SMG8: variants seen among roughly 807,000 people sequenced by gnomAD.
SMG8 encodes SMG8 nonsense mediated mRNA decay factor.
A neutral mutation model predicts 82.1 loss-of-function variants in SMG8; 49 were observed. The ratio of observed to expected loss-of-function variants is 0.60; its 90% CI spans 0.47 to 0.76. SMG8 has a LOEUF of 0.76. Among genes scored for constraint, SMG8 ranks in the 30% least tolerant of loss-of-function variants. The pLI is 0.00. For missense variants in SMG8, 969 were observed against 1,166.4 expected (o/e 0.83, Z 2.46); for synonymous variants, 404 against 430.0 (o/e 0.94, Z 0.75).
Position 59,213,031 on chromosome 17 carries a change from C to T in SMG8, c.2208C>T (p.Phe736=), listed in dbSNP as rs766117407. The part of the protein sequence containing the change: ...VEVKTEKRPN[F]VDRQASTVEY... ...TGAAAACTGAGAAGAGGCCAAACTT[C>T]GTTGATCGACAGGCATCCACAGTTG... The change falls in exon 3 of 4, where the codon TTC becomes TTT. Residue 736 remains phenylalanine (F), a synonymous_variant. Coordinates refer to ENST00000300917, the MANE Select transcript of SMG8 (RefSeq NM_018149.7). 1.2e-6 allele frequency: 2 copies of T among 1,614,152 alleles called. No homozygotes were observed. Among genetic ancestry groups the T allele is most frequent in the Non-Finnish European group, 1.7e-6 (2 of 1,180,036 alleles).
Position 59,215,039 on chromosome 17 carries a change from G to C in SMG8, c.*37G>C, listed in dbSNP as rs1752074825. The C allele has an allele frequency of 1.2e-6, 1 of 856,440 alleles. No homozygotes were observed. Among genetic ancestry groups the C allele is most frequent in the Admixed American group, 1.7e-5 (1 of 57,742 alleles). 53.1% of individuals were successfully genotyped at this position (856,440 alleles called of 1,614,324 possible). A position where few individuals can be genotyped will look rare whatever the true frequency, so the allele number is the denominator to read the frequency against. ...CCAGTTCAATCCTATACTTGAGCTGGTTTTTGTTTTTGGTATTTGTGGCTG... is the reference window on the plus strand; with the variant it reads ...CCAGTTCAATCCTATACTTGAGCTGCTTTTTGTTTTTGGTATTTGTGGCTG... On this transcript the variant is annotated 3_prime_UTR_variant, in exon 4 of 4. Coordinates refer to ENST00000300917, the MANE Select transcript of SMG8 (RefSeq NM_018149.7).
Position 59,211,427 on chromosome 17 carries a change from C to A in SMG8, c.1376C>A (p.Ala459Asp). ...GCAGCTTCAAAACTGTATGAGGTGG[C>A]TATTGATGGGAAAGAAGAGGACTTG... ...ISAASKLYEV[A>D]IDGKEEDLGS... The change falls in exon 1 of 4, where the codon GCT (alanine) becomes GAT (aspartate). Residue 459 changes from alanine to aspartate, a missense_variant. This residue lies in a region of SMG8 where 662 missense variants were observed against 884.8 expected (regional missense o/e 0.75). Coordinates refer to ENST00000300917, the MANE Select transcript of SMG8 (RefSeq NM_018149.7). 6.2e-7 allele frequency: 1 copy of A among 1,614,146 alleles called. No individual in the cohort carries two copies. The highest frequency in any genetic ancestry group is 8.5e-7 in the Non-Finnish European group (1 of 1,180,026).
At position 59,210,577 on chromosome 17, in the gene SMG8, G is replaced by T; in HGVS notation, c.526G>T (p.Gly176Cys). The change falls in exon 1 of 4, where the codon GGT becomes TGT. Residue 176 changes from glycine to cysteine, a missense_variant. Gly to Cys is a radical substitution (Grantham distance 159). This residue lies in a region of SMG8 where 662 missense variants were observed against 884.8 expected (regional missense o/e 0.75). Transcript: ENST00000300917. ...CRALQSGEAG[G>C]GLSLPHAEAH... is the part of the protein sequence containing the mutation. ...GGCTCTTCAGAGCGGGGAAGCTGGA[G>T]GTGGACTCTCTTTACCTCATGCAGA... 1 of 1,581,764 alleles carries T rather than the reference G, an allele frequency of 6.3e-7. No homozygotes were observed. The highest frequency in any genetic ancestry group is 8.6e-7 in the Non-Finnish European group (1 of 1,166,112).
chr17:59,212,081 A>G (rs1200760217), intron 1 of SMG8: 1 of 427,042 alleles, frequency 2.3e-6, no homozygotes, highest in African/African-American at 2.0e-5. Context: ...TCATATTAAC[A>G]CTTTGCCTTG....
chr17:59,214,125 A>T (rs2046956997), intron 3 of SMG8, among the ~76,000 whole-genome samples: 1 of 152,108 alleles, frequency 6.6e-6, no homozygotes, highest in African/African-American at 2.4e-5. Flanking sequence ...TCTACTAAAA[A>T]TACAAAAAAT....
chr17:59,214,556 C>T (rs1267381607), intron 3 of SMG8, among the ~76,000 whole-genome samples: 3 of 151,988 alleles, frequency 2.0e-5, no homozygotes, highest in African/African-American at 2.4e-5. Flanking sequence ...TACAGGCACA[C>T]GCCACCACAC....
In SMG8 at chr17:59,211,119, G is replaced by GAGTC; in HGVS notation, c.1070_1073dup (p.His358GlnfsTer21). On this transcript the variant is annotated frameshift_variant, in exon 1 of 4. Coordinates refer to ENST00000300917, the MANE Select transcript of SMG8 (RefSeq NM_018149.7). LOFTEE classifies it high-confidence loss of function. ...TAGGTATGTTGCTGGACCAACTTAG[G>GAGTC]AGTCATTGTACTGTGAAGGACCCGG... 1 of 1,614,192 alleles carries GAGTC rather than the reference G, an allele frequency of 6.2e-7. No homozygotes were observed. Among genetic ancestry groups the GAGTC allele is most frequent in the Non-Finnish European group, 8.5e-7 (1 of 1,180,034 alleles).
rs148219258 is a variant in SMG8 at position 59,210,462 on chromosome 17, T to A, written c.411T>A (p.Leu137=). Reference sequence around the variant, plus strand: ...AGGCAGGCTCCCAGGACTACAGCCTTCTGCAGGCCTACTACAGTCAGGAAA... The same window carrying A: ...AGGCAGGCTCCCAGGACTACAGCCTACTGCAGGCCTACTACAGTCAGGAAA... The part of the protein sequence containing the change: ...RTEAGSQDYS[L]LQAYYSQESK... Residue 137 remains leucine (L), a synonymous_variant, in exon 1 of 4, where the codon CTT becomes CTA. Transcript: ENST00000300917. 1.9e-6 allele frequency: 3 copies of A among 1,601,186 alleles called. No individual in the cohort carries two copies. The African/African-American group carries it at 4.0e-5, about 22-fold the overall frequency.
chr17:59,213,169 T>G lies in SMG8; in HGVS notation c.2346T>G (p.Gly782=). The G allele has an allele frequency of 6.2e-7, 1 of 1,614,146 alleles. No individual in the cohort carries two copies. Among genetic ancestry groups the G allele is most frequent in the Non-Finnish European group, 8.5e-7 (1 of 1,180,042 alleles). The part of the protein sequence containing the change: ...GPAKSYNFHT[G]LDQQGFIPGT... ...CTAAGTCTTATAACTTTCATACAGG[T>G]TTGGACCAACAGGGCTTTATTCCAG... The change falls in exon 3 of 4, where the codon GGT becomes GGG. Residue 782 remains glycine, a synonymous_variant. Transcript: ENST00000300917.
At position 59,211,734 on chromosome 17, in the gene SMG8, T is replaced by C. The variant is rs761399354; in HGVS notation, c.1683T>C (p.Asn561=). 4.3e-6 allele frequency: 7 copies of C among 1,613,258 alleles called. No homozygotes were observed. Among genetic ancestry groups the C allele is most frequent in the East Asian group, 2.2e-5 (1 of 44,880 alleles). The change falls in exon 1 of 4, where the codon AAT becomes AAC. Residue 561 remains asparagine (N), a synonymous_variant. Transcript: ENST00000300917. ...AGGACTGCTACAAATTTTGGAGCAA[T>C]GGCCATCAGCTCTGTGAGGAGAGGA... ...LHEDCYKFWS[N]GHQLCEERSL...
At chr17:59,212,273 G>C in intron 1 of SMG8, 68 bp from the exon 2 acceptor site, 1 of 1,388,522 alleles carries the variant, frequency 7.2e-7, no homozygotes, top group Non-Finnish European at 9.8e-7. Context: ...GGGGTTAGAT[G>C]TTGTAGAATG....
Position 59,212,426 on chromosome 17 carries a change from G to A in SMG8, c.1845G>A (p.Arg615=). Residue 615 remains arginine, a synonymous_variant, in exon 2 of 4, where the codon AGG becomes AGA. Coordinates refer to ENST00000300917, the MANE Select transcript of SMG8 (RefSeq NM_018149.7). ...ARSTGACNCG[R]KQAPRDDPFD... ...CTACTGGTGCTTGCAACTGTGGAAG[G>A]AAACAAGCACCTCGAGATGATCCCT... 6.2e-7 allele frequency: 1 copy of A among 1,609,310 alleles called. No individual in the cohort carries two copies.
rs772560639 is a variant in SMG8 at position 59,211,780 on chromosome 17, G to A, written c.1729G>A (p.Val577Met). The A allele has an allele frequency of 6.4e-7, 1 of 1,551,178 alleles. No individual in the cohort carries two copies. Among genetic ancestry groups the A allele is most frequent in the East Asian group, 2.3e-5 (1 of 44,004 alleles). ...EERSLTDQHC[V>M]HKFHSLPKSG... is the part of the protein sequence containing the mutation. ...GAGGAGTTTAACTGATCAACACTGT[G>A]TGCACAAATTTCACTCATTACCTAA... is the stretch of plus-strand genomic sequence containing the variant. Residue 577 changes from valine to methionine, a missense_variant, in exon 1 of 4, where the codon GTG becomes ATG. Val to Met is a conservative substitution (Grantham distance 21, BLOSUM62 1). Around this residue, in one of 3 missense-constraint regions of SMG8, gnomAD observed 662 missense variants for 884.8 expected, o/e 0.75. Transcript: ENST00000300917.
rs1217674267 is a variant in SMG8, at chr17:59,212,325, C to G, written c.1760-16C>G. On this transcript the variant is annotated splice_polypyrimidine_tract_variant and intron_variant, in intron 1 of 3. Coordinates refer to ENST00000300917, the MANE Select transcript of SMG8 (RefSeq NM_018149.7). ...ATTGTGTTTATGAAATTAATAGTGG[C>G]TGTTATATTTTCCAGGAGAAAAACC... 6.5e-7 allele frequency: 1 copy of G among 1,548,606 alleles called. No individual in the cohort carries two copies. The highest frequency in any genetic ancestry group is 1.8e-5 in the Admixed American group (1 of 56,202).
chr17:59,214,965 A>G lies in SMG8; in HGVS notation c.2939A>G (p.Lys980Arg), dbSNP rs748937922. Reference sequence around the variant, plus strand: ...GAAAATGTGCAGTTAATGAGCTACAAGGTGCTCCGTGGGGTTCTTAAGGCA... The same window carrying G: ...GAAAATGTGCAGTTAATGAGCTACAGGGTGCTCCGTGGGGTTCTTAAGGCA... The part of the protein sequence containing the change: ...PKENVQLMSY[K>R]VLRGVLKAVT... Residue 980 changes from lysine to arginine, a missense_variant, in exon 4 of 4, where the codon AAG becomes AGG. Coordinates refer to ENST00000300917, the MANE Select transcript of SMG8 (RefSeq NM_018149.7). The G allele has an allele frequency of 4.6e-6, 4 of 872,850 alleles. 1 individual carries two copies. The highest frequency in any genetic ancestry group is 8.0e-6 in the Non-Finnish European group (4 of 501,654). The allele number at this position is 872,850 out of a possible 1,614,324, so 54.1% of individuals were successfully genotyped here. A position where few individuals can be genotyped will look rare whatever the true frequency, so the allele number is the denominator to read the frequency against.
chr17:59,213,021 G>A lies in SMG8; in HGVS notation c.2198G>A (p.Arg733Lys). 6.2e-7 allele frequency: 1 copy of A among 1,614,138 alleles called. No individual in the cohort carries two copies. The highest frequency in any genetic ancestry group is 1.1e-5 in the South Asian group (1 of 91,086). ...HGQVEVKTEK[R>K]PNFVDRQAST... ...CAAGTAGAAGTGAAAACTGAGAAGA[G>A]GCCAAACTTCGTTGATCGACAGGCA... The change falls in exon 3 of 4, where the codon AGG becomes AAG. Residue 733 changes from arginine to lysine, a missense_variant. Coordinates refer to ENST00000300917, the MANE Select transcript of SMG8 (RefSeq NM_018149.7).
chr17:59,212,841 A>T lies in SMG8; in HGVS notation c.2018A>T (p.Asp673Val). 6 of 1,614,126 alleles carry T rather than the reference A, an allele frequency of 3.7e-6. No individual in the cohort carries two copies. The South Asian group carries it at 6.6e-5, about 18-fold the overall frequency. The change falls in exon 3 of 4, where the codon GAT becomes GTT. Residue 673 changes from aspartate to valine, a missense_variant. Asp to Val is a radical substitution (Grantham distance 152). Around this residue, in one of 3 missense-constraint regions of SMG8, gnomAD observed 662 missense variants for 884.8 expected, o/e 0.75. Coordinates refer to ENST00000300917, the MANE Select transcript of SMG8 (RefSeq NM_018149.7). ...AKNESSPAPPDSDADKLKEKE... is the reference protein window; with the variant it reads ...AKNESSPAPPVSDADKLKEKE... ...AATGAATCCTCTCCTGCTCCTCCAG[A>T]TTCGGATGCTGATAAACTTAAAGAA...
Position 59,211,652 on chromosome 17 carries a change from T to G in SMG8, c.1601T>G (p.Val534Gly), listed in dbSNP as rs138408218. The change falls in exon 1 of 4, where the codon GTG (valine) becomes GGG (glycine). Residue 534 changes from valine (V) to glycine (G), a missense_variant. Physicochemically the swap from Val to Gly is moderately radical, Grantham distance 109. Coordinates refer to ENST00000300917, the MANE Select transcript of SMG8 (RefSeq NM_018149.7). ...AATCAGCTTGCCCAGGCTCTTCGAG[T>G]GTACAGTCAACATGCTAGAGGTCCA... ...HKNQLAQALR[V>G]YSQHARGPAF... 1 of 1,613,820 alleles carries G rather than the reference T, an allele frequency of 6.2e-7. No individual in the cohort carries two copies.
chr17:59,210,703 T>G lies in SMG8; in HGVS notation c.652T>G (p.Ser218Ala). The G allele has an allele frequency of 6.2e-7, 1 of 1,614,130 alleles. No individual in the cohort carries two copies. The highest frequency in any genetic ancestry group is 1.1e-5 in the South Asian group (1 of 91,070). The change falls in exon 1 of 4, where the codon TCC becomes GCC. Residue 218 changes from serine (S) to alanine (A), a missense_variant. By Grantham distance (99) the Ser-to-Ala change is moderately conservative (BLOSUM62 1). Coordinates refer to ENST00000300917, the MANE Select transcript of SMG8 (RefSeq NM_018149.7). ...HILLLVHPTC[S>A]FDITYDRVFR... Reference sequence around the variant, plus strand: ...CTTGCTTCTGGTCCATCCCACTTGTTCCTTTGATATCACTTATGATCGAGT... The same window carrying G: ...CTTGCTTCTGGTCCATCCCACTTGTGCCTTTGATATCACTTATGATCGAGT...
Sources: gnomAD v4.1 joint callset for allele counts (sites outside exome capture counted in the v4.1 genomes callset) on GRCh38, gnomAD v4.1.1 for gene constraint, gnomAD v4.1.1 regional missense constraint, MANE v1.5 for transcripts, NCBI Gene and HGNC (gene_info 2026-07-23, HGNC 2026-07-21) for gene names.